SSBP2: variants seen among roughly 807,000 people sequenced by gnomAD.
The protein encoded by SSBP2 is single-stranded DNA-binding protein 2.
In SSBP2, 17 loss-of-function variants were observed where a neutral mutation model predicts 61.8. The observed-to-expected ratio is 0.28, with a 90% CI of 0.19 to 0.41. The LOEUF is 0.41. Among genes scored for constraint, SSBP2 ranks in the 10% least tolerant of loss-of-function variants. SSBP2 has a pLI of 1.00. For missense variants in SSBP2, 310 were observed against 458.7 expected (o/e 0.68, Z 2.96); for synonymous variants, 139 against 141.3 (o/e 0.98, Z 0.12).
At chr5:81,558,458 T>C (rs1046787421) in intron 4 of SSBP2, among the ~76,000 whole-genome samples, 1 of 152,198 alleles carries the variant, frequency 6.6e-6, no homozygotes, top group African/African-American at 2.4e-5. Flanking sequence ...TATTTTATAT[T>C]CCTAACACCT....
intron 4 of SSBP2, among the ~76,000 whole-genome samples, chr5:81,514,599 G>T (rs767554717): frequency 2.6e-5 from 4 of 151,948 alleles, no homozygotes; most frequent in Non-Finnish European, 5.9e-5. Flanking sequence ...GCTGAAGATA[G>T]ATCAGTTTGA....
chr5:81,434,273 T>TA (rs953026889), intron 15 of SSBP2, among the ~76,000 whole-genome samples: 2 of 152,044 alleles, frequency 1.3e-5, no homozygotes, highest in African/African-American at 2.4e-5. Context: ...ATTTTTTTTT[T>TA]AAAAATATGT....
chr5:81,516,606 C>T (rs898420806), intron 4 of SSBP2, among the ~76,000 whole-genome samples: 3 of 151,992 alleles, frequency 2.0e-5, no homozygotes, highest in African/African-American at 2.4e-5. Context: ...CTGTATTACA[C>T]GGACTCAGCT....
intron 1 of SSBP2, among the ~76,000 whole-genome samples, chr5:81,732,838 C>CCG (rs1756357449): frequency 6.6e-6 from 1 of 152,206 alleles, no homozygotes; most frequent in Non-Finnish European, 1.5e-5. Flanking sequence ...CCACCACCCC[C>CCG]CGCCTTCTAG....
chr5:81,666,565 T>C (rs1751155664), intron 1 of SSBP2, among the ~76,000 whole-genome samples: 1 of 152,114 alleles, frequency 6.6e-6, no homozygotes, highest in East Asian at 1.9e-4. Flanking sequence ...TTTGGAGAAC[T>C]GAAAAGGGCA....
chr5:81,481,714 G>T (rs1766006202), intron 6 of SSBP2, among the ~76,000 whole-genome samples: 1 of 150,580 alleles, frequency 6.6e-6, no homozygotes, highest in African/African-American at 2.4e-5. Flanking sequence ...GAACTCTGAT[G>T]CAGTTGTCCA....
At chr5:81,565,836 T>C (rs1444383516) in intron 4 of SSBP2, among the ~76,000 whole-genome samples, 1 of 152,214 alleles carries the variant, frequency 6.6e-6, no homozygotes, top group Non-Finnish European at 1.5e-5. Flanking sequence ...GCCTTAAATT[T>C]ATAGCTTCTC....
intron 5 of SSBP2, 139 bp downstream of exon 5, chr5:81,513,489 C>A: frequency 3.7e-6 from 2 of 544,424 alleles, no homozygotes; most frequent in East Asian, 3.0e-5. Flanking sequence ...ATAGATAACC[C>A]ATCTGAATAA....
In SSBP2 at chr5:81,732,231, T is replaced by C. The variant is rs571949781; in HGVS notation, c.62+18750A>G. 2.9e-4 allele frequency among the ~76,000 whole-genome samples: 44 copies of C among 152,310 alleles called. No individual in the cohort carries two copies. The South Asian group carries it at 8.5e-3, about 29-fold the overall frequency. ...AAAATCCTTTCTCAGTTTCTAAATA[T>C]GAAAACTATAATTCTCTTTTTTCAA... On this transcript the variant is annotated intron_variant, in intron 1 of 16. Transcript: ENST00000320672.
chr5:81,500,166 T>C (rs1382119174), intron 5 of SSBP2, among the ~76,000 whole-genome samples: 1 of 152,214 alleles, frequency 6.6e-6, no homozygotes, highest in Non-Finnish European at 1.5e-5. Flanking sequence ...TCAACTCATA[T>C]CTGAACTATG....
intron 4 of SSBP2, among the ~76,000 whole-genome samples, chr5:81,559,785 T>C (rs1319978270): frequency 6.6e-6 from 1 of 151,982 alleles, no homozygotes; most frequent in Non-Finnish European, 1.5e-5. Context: ...TGTCATTACA[T>C]AAAGCAACTG....
At chr5:81,627,624 C>T (rs560900227) in intron 3 of SSBP2, among the ~76,000 whole-genome samples, 2 of 152,180 alleles carry the variant, frequency 1.3e-5, no homozygotes, top group South Asian at 4.1e-4. Context: ...TTTCCACCAC[C>T]AGGTGAAAGA....
rs1654436839 is a variant in SSBP2, at chr5:81,442,890, C to G, written c.779-167G>C. The stretch of plus-strand genomic sequence containing the variant: ...AAATACCCACAGTCATTTTCTGACC[C>G]CAAAATTGTCATTCTGAGGTCATAA... On this transcript the variant is annotated intron_variant, in intron 12 of 16. Coordinates refer to ENST00000320672, the MANE Select transcript of SSBP2 (RefSeq NM_012446.5). 3 of 398,488 alleles carry G rather than the reference C, an allele frequency of 7.5e-6. No individual in the cohort carries two copies. In the South Asian group the frequency reaches 3.0e-4, roughly 40 times the overall value. 24.7% of individuals were successfully genotyped at this position (398,488 alleles called of 1,614,324 possible).
At chr5:81,549,354 T>C (rs1242672077) in intron 4 of SSBP2, among the ~76,000 whole-genome samples, 1 of 152,184 alleles carries the variant, frequency 6.6e-6, no homozygotes, top group Non-Finnish European at 1.5e-5. Context: ...GTCACTGATA[T>C]ATTCGAGTAT....
chr5:81,749,143 C>A (rs560154228), intron 1 of SSBP2, among the ~76,000 whole-genome samples: 1 of 152,288 alleles, frequency 6.6e-6, no homozygotes, highest in South Asian at 2.1e-4. Context: ...ATGATTAATG[C>A]ACACAAATGA....
intron 4 of SSBP2, among the ~76,000 whole-genome samples, chr5:81,583,535 C>T (rs55998108): frequency 0.094 from 14,057 of 149,902 alleles, 1,294 homozygotes; most frequent in African/African-American, 0.25. Context: ...GAGGCTGAGG[C>T]AGGAGAATGG....
intron 1 of SSBP2, among the ~76,000 whole-genome samples, chr5:81,680,044 G>A (rs1008982608): frequency 6.6e-6 from 1 of 151,376 alleles, no homozygotes; most frequent in Non-Finnish European, 1.5e-5. Flanking sequence ...CTAGTTCTCT[G>A]GACATTGAAC....
chr5:81,747,094 T>C (rs2154028800), intron 1 of SSBP2, among the ~76,000 whole-genome samples: 1 of 151,780 alleles, frequency 6.6e-6, no homozygotes, highest in African/African-American at 2.4e-5. Flanking sequence ...AAAATTTCTG[T>C]GCCTTCTCCC....
At chr5:81,521,302 A>G (rs929320073) in intron 4 of SSBP2, among the ~76,000 whole-genome samples, 3 of 151,858 alleles carry the variant, frequency 2.0e-5, no homozygotes, top group African/African-American at 2.4e-5. Flanking sequence ...TGTTTTTATC[A>G]TCTCTTCTTC....
Sources: allele counts gnomAD v4.1 joint callset (sites outside exome capture counted in the v4.1 genomes callset), GRCh38; gene constraint gnomAD v4.1.1; transcripts MANE v1.5; gene names NCBI Gene and HGNC (gene_info 2026-07-23, HGNC 2026-07-21).